Variants in TMEM232 observed in about 807,000 individuals in gnomAD.
TMEM232 encodes the protein transmembrane protein 232.
TMEM232 carries 80 observed loss-of-function variants against 78.8 expected under a neutral mutation model. That is an observed-to-expected ratio of 1.01 (90% CI 0.85 to 1.22). The LOEUF (loss-of-function observed/expected upper bound fraction) is 1.22. Ranked by LOEUF, TMEM232 falls within the 50% of genes most tolerant of loss-of-function variation. TMEM232 has a pLI of 0.00. For missense variants in TMEM232, 881 were observed against 742.2 expected (o/e 1.19, Z -2.17); for synonymous variants, 297 against 254.3 (o/e 1.17, Z -1.60).
chr5:110,690,055 C>T (rs1793919876), intron 1 of TMEM232, among the ~76,000 whole-genome samples: 1 of 152,130 alleles, frequency 6.6e-6, no homozygotes, highest in South Asian at 2.1e-4. Context: ...CTAGGCAATA[C>T]CATTCAGGAC....
At chr5:110,599,109 C>A (rs1200063696) in intron 10 of TMEM232, among the ~76,000 whole-genome samples, 1 of 151,906 alleles carries the variant, frequency 6.6e-6, no homozygotes, top group Non-Finnish European at 1.5e-5. Context: ...CCTTTAGAGA[C>A]AAGGAAATGC....
At chr5:110,738,915 C>T, upstream of TMEM232, 1 of 1,367,150 alleles carries the variant, frequency 7.3e-7, no homozygotes, top group Middle Eastern at 2.7e-4. Context: ...CGCCGCGTCT[C>T]CCTAGCAACC....
intron 12 of TMEM232, among the ~76,000 whole-genome samples, chr5:110,497,200 C>A (rs959079893): frequency 2.6e-5 from 4 of 151,894 alleles, no homozygotes; most frequent in African/African-American, 9.7e-5. Flanking sequence ...GTATTGAAAA[C>A]CTATGGCAGA....
chr5:110,690,599 T>C (rs1407781879), intron 1 of TMEM232, among the ~76,000 whole-genome samples: 1 of 152,168 alleles, frequency 6.6e-6, no homozygotes, highest in Non-Finnish European at 1.5e-5. Context: ...AGAAATACTA[T>C]TTGACCCAGC....
intron 5 of TMEM232, among the ~76,000 whole-genome samples, chr5:110,634,747 CAG>C (rs948209777): frequency 1.1e-4 from 17 of 151,432 alleles, no homozygotes; most frequent in African/African-American, 3.4e-4. Flanking sequence ...ATCAAAAAAA[CAG>C]AAAGATTTCA....
chr5:110,484,700 C>T (rs1277666616), intron 12 of TMEM232, among the ~76,000 whole-genome samples: 2 of 151,744 alleles, frequency 1.3e-5, no homozygotes, highest in Admixed American at 6.6e-5. Flanking sequence ...AAAATTGCTA[C>T]TAGAGGAAAA....
intron 1 of TMEM232, among the ~76,000 whole-genome samples, chr5:110,700,786 G>GTAGGTAGATAGA (rs1554081854): frequency 7.0e-5 from 10 of 142,496 alleles, no homozygotes; most frequent in African/African-American, 2.4e-4. Context: ...AGATAGATAG[G>GTAGGTAGATAGA]TAGATAGATA....
At chr5:110,574,062 A>G (rs538907676) in intron 10 of TMEM232, among the ~76,000 whole-genome samples, 31 of 152,162 alleles carry the variant, frequency 2.0e-4, no homozygotes, top group African/African-American at 7.5e-4. Context: ...AAATCATAAG[A>G]TGCTTGTTAA....
rs549842340 is a variant in TMEM232 at position 110,447,602 on chromosome 5, A to G, written c.1704-22686T>C. 9.9e-5 allele frequency among the ~76,000 whole-genome samples: 15 copies of G among 152,278 alleles called. No homozygotes were observed. The East Asian group carries it at 2.5e-3, about 25-fold the overall frequency. ...TCCAGAAGAAAATAAACTTTTAAAA[A>G]TTATTTGCTGCAGGAACTGGAAAGA... On this transcript the variant is annotated intron_variant, in intron 12 of 13. Transcript: ENST00000455884.
intron 2 of TMEM232, among the ~76,000 whole-genome samples, chr5:110,407,484 A>T (rs1039794666): frequency 1.2e-4 from 18 of 152,164 alleles, no homozygotes; most frequent in Admixed American, 2.6e-4. Context: ...TATCATAATT[A>T]TATAAATATT....
intron 1 of TMEM232, among the ~76,000 whole-genome samples, chr5:110,704,526 G>A (rs1230575265): frequency 6.6e-6 from 1 of 151,954 alleles, no homozygotes; most frequent in Non-Finnish European, 1.5e-5. Context: ...TTGTATTTTT[G>A]TTATGATGAC....
chr5:110,528,960 A>C, intron 11 of TMEM232, 125 bp from the exon 12 acceptor site: 2 of 951,978 alleles, frequency 2.1e-6, no homozygotes, highest in Non-Finnish European at 2.7e-6. Context: ...TTTCCTGTTA[A>C]GTAAAAATAA....
At chr5:110,467,532 G>T (rs1762212438) in intron 12 of TMEM232, among the ~76,000 whole-genome samples, 1 of 152,162 alleles carries the variant, frequency 6.6e-6, no homozygotes, top group Admixed American at 6.5e-5. Flanking sequence ...TTGCAGAATA[G>T]CTTCAAAACT....
intron 1 of TMEM232, among the ~76,000 whole-genome samples, chr5:110,685,799 T>A (rs915970388): frequency 1.3e-5 from 2 of 152,116 alleles, no homozygotes; most frequent in African/African-American, 4.8e-5. Flanking sequence ...TATAATAGGA[T>A]TATTCTCAGT....
At chr5:110,718,782 T>A (rs905452216) in intron 1 of TMEM232, among the ~76,000 whole-genome samples, 2 of 152,108 alleles carry the variant, frequency 1.3e-5, no homozygotes, top group African/African-American at 4.8e-5. Context: ...CTATTCATTT[T>A]TTTCATTTTG....
At chr5:110,681,992 AAAAAT>A (rs1279974659) in intron 1 of TMEM232, among the ~76,000 whole-genome samples, 1 of 152,228 alleles carries the variant, frequency 6.6e-6, no homozygotes, top group Admixed American at 6.5e-5. Context: ...ACAGAAATAA[AAAAAT>A]AAAATGAGGC....
At chr5:110,457,658 T>C (rs1761045971) in intron 12 of TMEM232, among the ~76,000 whole-genome samples, 1 of 152,054 alleles carries the variant, frequency 6.6e-6, no homozygotes, top group African/African-American at 2.4e-5. Context: ...ATCTGCAATA[T>C]AAAGGAATTT....
chr5:110,529,172 GAAGT>G (rs561326795), intron 11 of TMEM232, among the ~76,000 whole-genome samples: 127 of 152,114 alleles, frequency 8.3e-4, no homozygotes, highest in African/African-American at 2.9e-3. Flanking sequence ...GCAATCAGTT[GAAGT>G]AATGTACATT....
rs577012989 is a variant in TMEM232, at chr5:110,662,425, T to C, written c.125+4803A>G. ...TTAGAATATGGTTATGATAAAGATGTTGTTTCTCCAAATTGATCTATAGAT... is the reference window on the plus strand; with the variant it reads ...TTAGAATATGGTTATGATAAAGATGCTGTTTCTCCAAATTGATCTATAGAT... On this transcript the variant is annotated intron_variant, in intron 2 of 13. Coordinates refer to ENST00000455884, the MANE Select transcript of TMEM232 (RefSeq NM_001039763.4). Among the ~76,000 whole-genome samples the C allele has an allele frequency of 3.9e-5, 6 of 152,268 alleles. No homozygotes were observed. The South Asian group carries it at 1.0e-3, about 26-fold the overall frequency.
Sources: allele counts gnomAD v4.1 joint callset (sites outside exome capture counted in the v4.1 genomes callset), GRCh38; gene constraint gnomAD v4.1.1; transcripts MANE v1.5; gene names NCBI Gene and HGNC (gene_info 2026-07-23, HGNC 2026-07-21).